PPP3R1: variants seen among roughly 807,000 people sequenced by gnomAD.
PPP3R1 encodes the protein protein phosphatase 3 regulatory subunit B, alpha, also known as calcineurin subunit B type 1.
A neutral mutation model predicts 22.6 loss-of-function variants in PPP3R1; 5 were observed. The observed-to-expected ratio is 0.22, with a 90% CI of 0.12 to 0.46. The LOEUF (loss-of-function observed/expected upper bound fraction) is 0.46. Among genes scored for constraint, PPP3R1 ranks in the 20% least tolerant of loss-of-function variants. The pLI, the probability that PPP3R1 is intolerant of heterozygous loss-of-function variation, is 0.99. For missense variants in PPP3R1, 61 were observed against 203.2 expected (o/e 0.30, Z 4.25); for synonymous variants, 56 against 65.2 (o/e 0.86, Z 0.68).
rs189734940 is a variant in PPP3R1 at position 68,213,658 on chromosome 2, T to C, written c.43+3434A>G. Among the ~76,000 whole-genome samples, 336 of 152,302 alleles carry C rather than the reference T, an allele frequency of 2.2e-3. 1 individual carries two copies. The highest frequency in any genetic ancestry group is 7.0e-3 in the African/African-American group (291 of 41,558). On this transcript the variant is annotated intron_variant, in intron 2 of 5. Transcript: ENST00000234310. ...ATGGCAGAGACAGACTTGCTTGGCA[T>C]AGGGTTACCACAAACCTTCAATTTG...
At chr2:68,235,087 G>C (rs1669994749) in intron 1 of PPP3R1, among the ~76,000 whole-genome samples, 5 of 152,286 alleles carry the variant, frequency 3.3e-5, no homozygotes, top group South Asian at 4.1e-4. Flanking sequence ...AGAAAGATTT[G>C]AGTTAGCAAT....
intron 2 of PPP3R1, among the ~76,000 whole-genome samples, chr2:68,204,727 G>A (rs962122056): frequency 6.6e-6 from 1 of 152,194 alleles, no homozygotes; most frequent in South Asian, 2.1e-4. Context: ...TATTATTTAT[G>A]AAAACAAATG....
chr2:68,228,113 T>C (rs1041047426), intron 1 of PPP3R1, among the ~76,000 whole-genome samples: 1 of 152,204 alleles, frequency 6.6e-6, no homozygotes, highest in Non-Finnish European at 1.5e-5. Context: ...TTTATTCAAC[T>C]GATAACATTT....
At position 68,180,890 on chromosome 2, in the gene PPP3R1, G is replaced by T. The variant is rs1674386675; in HGVS notation, c.*73C>A. The T allele has an allele frequency of 2.1e-6, 3 of 1,431,092 alleles. No individual in the cohort carries two copies. Among genetic ancestry groups the T allele is most frequent in the African/African-American group, 1.4e-5 (1 of 70,984 alleles). The allele number at this position is 1,431,092 out of a possible 1,614,324, so 88.6% of individuals were successfully genotyped here. On this transcript the variant is annotated 3_prime_UTR_variant, in exon 6 of 6. Transcript: ENST00000234310. ...TCCATTTAAATACACAGAGAGCATT[G>T]CTGGACGTCTTGAGCAGATCTTCAG...
intron 2 of PPP3R1, among the ~76,000 whole-genome samples, chr2:68,212,382 T>C (rs1037793604): frequency 1.6e-4 from 24 of 152,124 alleles, no homozygotes; most frequent in African/African-American, 5.6e-4. Flanking sequence ...TGCCTGGCCC[T>C]TTCCAGAACG....
At chr2:68,246,801 A>T (rs1259263921) in intron 1 of PPP3R1, among the ~76,000 whole-genome samples, 1 of 152,176 alleles carries the variant, frequency 6.6e-6, no homozygotes, top group African/African-American at 2.4e-5. Context: ...ACAGGATTTC[A>T]TCCAGTTTCA....
chr2:68,242,499 G>C (rs1670155607), intron 1 of PPP3R1, among the ~76,000 whole-genome samples: 1 of 152,036 alleles, frequency 6.6e-6, no homozygotes, highest in Non-Finnish European at 1.5e-5. Flanking sequence ...GGTAAAAGCA[G>C]CGTGACTGCC....
intron 1 of PPP3R1, among the ~76,000 whole-genome samples, chr2:68,224,619 A>C (rs559953308): frequency 1.3e-5 from 2 of 151,478 alleles, no homozygotes; most frequent in African/African-American, 4.9e-5. Flanking sequence ...AGCTGAAATC[A>C]CGCCACTGCA....
chr2:68,196,510 G>C (rs1288013078), intron 2 of PPP3R1, among the ~76,000 whole-genome samples: 2 of 152,092 alleles, frequency 1.3e-5, no homozygotes, highest in Non-Finnish European at 2.9e-5. Context: ...AATGAACACA[G>C]GTCATACATG....
intron 1 of PPP3R1, among the ~76,000 whole-genome samples, chr2:68,227,481 C>T (rs1669805041): frequency 6.6e-6 from 1 of 151,458 alleles, no homozygotes; most frequent in Admixed American, 6.6e-5. Context: ...TGTTTGGATG[C>T]ATGAATGTCG....
At position 68,187,261 on chromosome 2, in the gene PPP3R1, A is replaced by G. The variant is rs766924566; in HGVS notation, c.274T>C (p.Leu92=). Residue 92 remains leucine (L), a synonymous_variant, in exon 4 of 6, where the codon TTG becomes CTG. Transcript: ENST00000234310. ...FSVKGDKEQK[L]RFAFRIYDMD... ...AGTGAAGAAAAATACTTACACCTCA[A>G]TTTCTGCTCCTTATCTCCTTTGACA... The G allele has an allele frequency of 6.2e-7, 1 of 1,608,048 alleles. No individual in the cohort carries two copies. Among genetic ancestry groups the G allele is most frequent in the Non-Finnish European group, 8.5e-7 (1 of 1,176,196 alleles).
At chr2:68,207,991 A>T (rs1391531701) in intron 2 of PPP3R1, among the ~76,000 whole-genome samples, 1 of 152,158 alleles carries the variant, frequency 6.6e-6, no homozygotes, top group Admixed American at 6.5e-5. Flanking sequence ...CCTCATCTCT[A>T]CTAAAAATAC....
chr2:68,225,808 C>CA lies in PPP3R1; in HGVS notation c.4-8678dup, dbSNP rs546233527. Among the ~76,000 whole-genome samples the CA allele has an allele frequency of 9.5e-4, 144 of 152,092 alleles. 1 individual carries two copies. The highest frequency in any genetic ancestry group is 3.3e-3 in the African/African-American group (135 of 41,502). On this transcript the variant is annotated intron_variant, in intron 1 of 5. Coordinates refer to ENST00000234310, the MANE Select transcript of PPP3R1 (RefSeq NM_000945.4). ...GGAACTCAAAATTGTACCGCTATTT[C>CA]AAAAAAACAGTGTGTTGGACTCTTA...
chr2:68,238,750 G>C (rs960418665), intron 1 of PPP3R1, among the ~76,000 whole-genome samples: 3 of 152,136 alleles, frequency 2.0e-5, no homozygotes, highest in Non-Finnish European at 4.4e-5. Flanking sequence ...TGATGTCAAT[G>C]GCAATGGGGA....
rs1460187001 is a variant in PPP3R1, at chr2:68,180,892, T to G, written c.*71A>C. 1 of 1,444,786 alleles carries G rather than the reference T, an allele frequency of 6.9e-7. No homozygotes were observed. The highest frequency in any genetic ancestry group is 1.4e-5 in the African/African-American group (1 of 71,254). 89.5% of individuals were successfully genotyped at this position (1,444,786 alleles called of 1,614,324 possible). On this transcript the variant is annotated 3_prime_UTR_variant, in exon 6 of 6. Coordinates refer to ENST00000234310, the MANE Select transcript of PPP3R1 (RefSeq NM_000945.4). ...CATTTAAATACACAGAGAGCATTGC[T>G]GGACGTCTTGAGCAGATCTTCAGAG...
chr2:68,194,449 A>C (rs1460133837), intron 2 of PPP3R1, among the ~76,000 whole-genome samples: 1 of 152,152 alleles, frequency 6.6e-6, no homozygotes, highest in Non-Finnish European at 1.5e-5. Context: ...AGTATTTTCA[A>C]CTGGACATAT....
intron 2 of PPP3R1, among the ~76,000 whole-genome samples, chr2:68,208,377 T>C (rs1669379733): frequency 6.6e-6 from 1 of 152,202 alleles, no homozygotes; most frequent in Non-Finnish European, 1.5e-5. Context: ...ATTTTAGGCT[T>C]TGTTGACCAT....
intron 1 of PPP3R1, among the ~76,000 whole-genome samples, chr2:68,238,896 G>A (rs908615609): frequency 2.6e-5 from 4 of 152,082 alleles, no homozygotes; most frequent in African/African-American, 9.7e-5. Flanking sequence ...ATGGCTTAAG[G>A]AAAATTCAGT....
At chr2:68,203,811 A>T in intron 2 of PPP3R1, among the ~76,000 whole-genome samples, 1 of 152,236 alleles carries the variant, frequency 6.6e-6, no homozygotes, top group Admixed American at 6.5e-5. Flanking sequence ...GAAACTGTTT[A>T]CTAAAAACAG....
Sources: gnomAD v4.1 joint callset for allele counts (sites outside exome capture counted in the v4.1 genomes callset) on GRCh38, gnomAD v4.1.1 for gene constraint, MANE v1.5 for transcripts, NCBI Gene and HGNC (gene_info 2026-07-23, HGNC 2026-07-21) for gene names.